Variants in ZNF667 observed in about 807,000 individuals in gnomAD.
ZNF667 encodes myocardial ischemic preconditioning upregulated 1 ortholog.
ZNF667 carries 13 observed loss-of-function variants against 31.8 expected under a neutral mutation model. That is an observed-to-expected ratio of 0.41 (90% CI 0.27 to 0.65). The LOEUF is 0.65. Ranked by LOEUF, ZNF667 falls within the 30% of genes least tolerant of loss-of-function variation. The pLI is 0.32. For missense variants in ZNF667, 642 were observed against 725.6 expected (o/e 0.88, Z 1.32); for synonymous variants, 228 against 247.1 (o/e 0.92, Z 0.73).
At chr19:56,444,200 G>A (rs2042675936) in intron 6 of ZNF667, 1 of 398,488 alleles carries the variant, frequency 2.5e-6, no homozygotes, top group South Asian at 1.3e-4. Flanking sequence ...AAACAAAAGA[G>A]GTTCAATTGG....
At chr19:56,449,523 T>TA (rs770364131) in intron 6 of ZNF667, 190 of 275,978 alleles carry the variant, frequency 6.9e-4, no homozygotes, top group Middle Eastern at 5.6e-3. Flanking sequence ...CTACTAAAAA[T>TA]AAAAAAAAAT....
intron 5 of ZNF667, among the ~76,000 whole-genome samples, chr19:56,459,279 T>C (rs1273607262): frequency 1.3e-5 from 2 of 152,330 alleles, no homozygotes; most frequent in South Asian, 4.1e-4. Flanking sequence ...CTCCTGAGGC[T>C]GGTTATGAAG....
At chr19:56,463,970 T>C (rs2043106476) in intron 3 of ZNF667, among the ~76,000 whole-genome samples, 1 of 152,240 alleles carries the variant, frequency 6.6e-6, no homozygotes, top group Non-Finnish European at 1.5e-5. Flanking sequence ...CTTTAAAGTA[T>C]GTCTGGAACA....
At chr19:56,471,288 G>C (rs1568456047) in intron 3 of ZNF667, among the ~76,000 whole-genome samples, 1 of 152,040 alleles carries the variant, frequency 6.6e-6, no homozygotes, top group African/African-American at 2.4e-5. Context: ...CAGAACCGTG[G>C]GCCAATTAAA....
At position 56,460,831 on chromosome 19, in the gene ZNF667, A is replaced by C. The variant is rs751457639; in HGVS notation, c.34-16T>G. The C allele has an allele frequency of 6.3e-7, 1 of 1,580,086 alleles. No homozygotes were observed. ...TTATAGGTGCCTGAAATGAAAAATC[A>C]AATGTCTATTCACCATGGACTTGTG... On this transcript the variant is annotated splice_polypyrimidine_tract_variant and intron_variant, in intron 4 of 6. Transcript: ENST00000504904.
intron 5 of ZNF667, among the ~76,000 whole-genome samples, chr19:56,460,291 TAGAA>T (rs1391436816): frequency 6.6e-6 from 1 of 152,032 alleles, no homozygotes; most frequent in Non-Finnish European, 1.5e-5. Flanking sequence ...TCAAAAACAT[TAGAA>T]ATCAAAGAAG....
intron 3 of ZNF667, among the ~76,000 whole-genome samples, chr19:56,462,832 A>G (rs1005592274): frequency 2.0e-5 from 3 of 152,116 alleles, no homozygotes; most frequent in Non-Finnish European, 2.9e-5. Context: ...ATAAAGCACA[A>G]TGATGGACAT....
chr19:56,462,255 A>T (rs1410505942), intron 4 of ZNF667, 83 bp downstream of exon 4: 16 of 1,552,852 alleles, frequency 1.0e-5, no homozygotes, highest in East Asian at 2.2e-5. Context: ...ACAGGCAACA[A>T]GTCTCCATGG....
chr19:56,446,085 G>T (rs2042703544), intron 6 of ZNF667, among the ~76,000 whole-genome samples: 1 of 152,208 alleles, frequency 6.6e-6, no homozygotes, highest in South Asian at 2.1e-4. Context: ...GGATACTAAA[G>T]ATTTTTTCAG....
intron 3 of ZNF667, among the ~76,000 whole-genome samples, chr19:56,469,094 A>G (rs949477866): frequency 6.6e-6 from 1 of 152,224 alleles, no homozygotes; most frequent in Non-Finnish European, 1.5e-5. Flanking sequence ...TGCTGAAAAC[A>G]TCTGTAATTC....
chr19:56,464,711 A>G (rs1470280197), intron 3 of ZNF667, among the ~76,000 whole-genome samples: 1 of 152,140 alleles, frequency 6.6e-6, no homozygotes, highest in Non-Finnish European at 1.5e-5. Context: ...TTATGTGGGT[A>G]GTACCTCCCC....
chr19:56,463,254 G>A (rs117044193), intron 3 of ZNF667, among the ~76,000 whole-genome samples: 2 of 152,188 alleles, frequency 1.3e-5, no homozygotes, highest in Non-Finnish European at 2.9e-5. Context: ...GGTTAACTGT[G>A]TGTCAGAAGA....
rs1258879930 is a variant in ZNF667, at chr19:56,471,861, G to A, written c.-222C>T. ...TTCTTGTCTGATATGGTCTGGCTGTGTCCCCACTCAAATCTCATCTTGAAT... is the reference window on the plus strand; with the variant it reads ...TTCTTGTCTGATATGGTCTGGCTGTATCCCCACTCAAATCTCATCTTGAAT... On this transcript the variant is annotated 5_prime_UTR_variant, in exon 3 of 7. Coordinates refer to ENST00000504904, the MANE Select transcript of ZNF667 (RefSeq NM_001321356.2). 1 of 152,204 alleles carries A rather than the reference G, an allele frequency of 6.6e-6. No individual in the cohort carries two copies. The highest frequency in any genetic ancestry group is 1.9e-4 in the East Asian group (1 of 5,198). The allele number at this position is 152,204 out of a possible 1,614,324, so 9.4% of individuals were successfully genotyped here.
At chr19:56,476,728 A>AT (rs1450312052) in intron 1 of ZNF667, among the ~76,000 whole-genome samples, 4 of 152,144 alleles carry the variant, frequency 2.6e-5, no homozygotes, top group Non-Finnish European at 5.9e-5. Context: ...TTACAGTGAG[A>AT]TATACACCAG....
At position 56,439,480 on chromosome 19, in the gene ZNF667, C is replaced by G. The variant is rs1158034620; in HGVS notation, c.*1682G>C. 2.0e-5 allele frequency: 3 copies of G among 152,248 alleles called. No individual in the cohort carries two copies. The highest frequency in any genetic ancestry group is 2.9e-5 in the Non-Finnish European group (2 of 68,066). 9.4% of individuals were successfully genotyped at this position (152,248 alleles called of 1,614,324 possible). A position where few individuals can be genotyped will look rare whatever the true frequency, so the allele number is the denominator to read the frequency against. The stretch of plus-strand genomic sequence containing the variant: ...CACTCCATATATTAGCTGGGGCTGC[C>G]ATAACAAAACATCATAGACTGGGTG... On this transcript the variant is annotated 3_prime_UTR_variant, in exon 7 of 7. Transcript: ENST00000504904.
intron 5 of ZNF667, among the ~76,000 whole-genome samples, chr19:56,458,942 G>A (rs1016807924): frequency 2.0e-5 from 3 of 152,188 alleles, no homozygotes; most frequent in Admixed American, 6.5e-5. Context: ...CGCTAATTTA[G>A]AGCTGGTCAG....
chr19:56,441,927 T>G lies in ZNF667; in HGVS notation c.1068A>C (p.Lys356Asn), dbSNP rs777933868. The change falls in exon 7 of 7, where the codon AAA becomes AAC. Residue 356 changes from lysine to asparagine, a missense_variant. Physicochemically the swap from Lys to Asn is moderately conservative, Grantham distance 94. Transcript: ENST00000504904. This position sits in a 1 kb window ranked among gnomAD's most constrained non-coding sequence, Gnocchi z 4.2. The stretch of plus-strand genomic sequence containing the variant: ...TGTCACATTTATCACATTTGTACGG[T>G]TTCTCTGAAGTGTGAATTCTCTGGT... The part of the protein sequence containing the change: ...MLHQRIHTSE[K>N]PYKCDKCDKF... 1 of 1,614,176 alleles carries G rather than the reference T, an allele frequency of 6.2e-7. No homozygotes were observed. The highest frequency in any genetic ancestry group is 1.7e-5 in the Admixed American group (1 of 60,030).
intron 6 of ZNF667, among the ~76,000 whole-genome samples, chr19:56,453,029 T>G (rs2042866275): frequency 6.6e-6 from 1 of 151,852 alleles, no homozygotes; most frequent in Non-Finnish European, 1.5e-5. Flanking sequence ...AGACCAGAGA[T>G]GCAAAAGGAA....
chr19:56,442,750 C>T lies in ZNF667; in HGVS notation c.254-9G>A, dbSNP rs1371230694. 1.3e-6 allele frequency: 2 copies of T among 1,526,298 alleles called. No homozygotes were observed. The highest frequency in any genetic ancestry group is 1.3e-5 in the South Asian group (1 of 76,692). The allele number at this position is 1,526,298 out of a possible 1,614,324, so 94.5% of individuals were successfully genotyped here. A position where few individuals can be genotyped will look rare whatever the true frequency, so the allele number is the denominator to read the frequency against. On this transcript the variant is annotated splice_polypyrimidine_tract_variant and intron_variant, in intron 6 of 6. Transcript: ENST00000504904. ...ACATTTAGACCCCGAGTCTGAAAGACATAAAGGAATTAAATGTTTCTCCTT... is the reference window on the plus strand; with the variant it reads ...ACATTTAGACCCCGAGTCTGAAAGATATAAAGGAATTAAATGTTTCTCCTT...
Sources: allele counts gnomAD v4.1 joint callset (sites outside exome capture counted in the v4.1 genomes callset), GRCh38; gene constraint gnomAD v4.1.1; non-coding constraint Gnocchi (gnomAD v3.1); transcripts MANE v1.5; gene names NCBI Gene and HGNC (gene_info 2026-07-23, HGNC 2026-07-21).